Variants in FBLN1 observed in about 807,000 individuals in gnomAD.
FBLN1 encodes fibulin 1, also known as fibulin-1.
FBLN1 carries 34 observed loss-of-function variants against 89.7 expected under a neutral mutation model. The observed-to-expected ratio is 0.38, with a 90% CI of 0.29 to 0.50. FBLN1 has a LOEUF of 0.50. Among genes scored for constraint, FBLN1 ranks in the 20% least tolerant of loss-of-function variants. The probability of loss-of-function intolerance (pLI) is 0.92; values close to 1 mark genes in which losing one functional copy is unlikely to be tolerated. For missense variants in FBLN1, 777 were observed against 988.1 expected (o/e 0.79, Z 2.86); for synonymous variants, 393 against 391.3 (o/e 1.00, Z -0.05).
rs956512139 is a variant in FBLN1, at chr22:45,588,126, CA to C, written c.1972+11019del. ...AGATGGTAGTGAGGGCTGTGCAGAG[CA>C]GGGGAGGGGAGTGGGAGGCGGGGTG... is the stretch of plus-strand genomic sequence containing the variant. On this transcript the variant is annotated intron_variant, in intron 16 of 16. Coordinates refer to ENST00000327858, the MANE Select transcript of FBLN1 (RefSeq NM_006486.3). The surrounding 1 kb of genome is among the most constrained non-coding windows in gnomAD (Gnocchi z 5.1). Among the ~76,000 whole-genome samples the C allele has an allele frequency of 2.2e-4, 33 of 152,250 alleles. No individual in the cohort carries two copies. The highest frequency in any genetic ancestry group is 3.4e-3 in the Middle Eastern group (1 of 294).
In FBLN1 at chr22:45,561,886, A is replaced by G. The variant is rs1257866083; in HGVS notation, c.1697+11271A>G. Among the ~76,000 whole-genome samples the G allele has an allele frequency of 6.6e-6, 1 of 152,156 alleles. No homozygotes were observed. Among genetic ancestry groups the G allele is most frequent in the Non-Finnish European group, 1.5e-5 (1 of 68,036 alleles). ...GGGCAGGAAGCATCCAGCACAGGAG[A>G]AAGATGTAGGCTGGGAGGCTAGGCC... On this transcript the variant is annotated intron_variant, in intron 14 of 16. Coordinates refer to ENST00000327858, the MANE Select transcript of FBLN1 (RefSeq NM_006486.3). This position sits in a 1 kb window ranked among gnomAD's most constrained non-coding sequence, Gnocchi z 4.7.
chr22:45,553,794 G>A (rs1158918230), intron 14 of FBLN1, among the ~76,000 whole-genome samples: 2 of 152,108 alleles, frequency 1.3e-5, no homozygotes, highest in Non-Finnish European at 2.9e-5. Context: ...TGTGATGACG[G>A]CGGGAGCTGC....
chr22:45,587,480 G>A (rs1056979799), intron 16 of FBLN1, among the ~76,000 whole-genome samples: 16 of 152,078 alleles, frequency 1.1e-4, no homozygotes, highest in Admixed American at 3.3e-4. Context: ...TATCTCCCTC[G>A]CCTGCTCCTA....
chr22:45,512,847 T>C (rs541970531), intron 1 of FBLN1, among the ~76,000 whole-genome samples: 2 of 152,314 alleles, frequency 1.3e-5, no homozygotes, highest in South Asian at 2.1e-4. Context: ...AAGCTTGAAC[T>C]CCTGGGCTCA....
chr22:45,570,993 C>T (rs1310369919), intron 14 of FBLN1, among the ~76,000 whole-genome samples: 1 of 150,918 alleles, frequency 6.6e-6, no homozygotes, highest in Admixed American at 6.6e-5. Context: ...TGGTGGTGCA[C>T]GTCTGTAATC....
At chr22:45,552,046 C>T (rs1209736752) in intron 14 of FBLN1, among the ~76,000 whole-genome samples, 1 of 152,264 alleles carries the variant, frequency 6.6e-6, no homozygotes, top group Non-Finnish European at 1.5e-5. Context: ...CTCCACCCCT[C>T]ATGTTGGCTG....
intron 14 of FBLN1, chr22:45,564,755 C>G: frequency 8.9e-7 from 1 of 1,126,646 alleles, no homozygotes; most frequent in South Asian, 1.3e-5. Context: ...GTTCCCAGCT[C>G]CTTGCAAGAC....
chr22:45,593,950 A>C (rs1306769565), intron 16 of FBLN1, among the ~76,000 whole-genome samples: 3 of 152,232 alleles, frequency 2.0e-5, no homozygotes, highest in African/African-American at 7.2e-5. Flanking sequence ...GCCGACTGTG[A>C]GCGTCCCCTG....
intron 11 of FBLN1, 120 bp downstream of exon 11, chr22:45,543,646 G>A: frequency 1.5e-6 from 2 of 1,315,740 alleles, no homozygotes; most frequent in South Asian, 1.3e-5. Flanking sequence ...TGACATGTTA[G>A]CAGGGGAAGT....
chr22:45,583,591 G>C lies in FBLN1; in HGVS notation c.1972+6483G>C, dbSNP rs1160746750. On this transcript the variant is annotated intron_variant, in intron 16 of 16. Coordinates refer to ENST00000327858, the MANE Select transcript of FBLN1 (RefSeq NM_006486.3). This position sits in a 1 kb window ranked among gnomAD's most constrained non-coding sequence, Gnocchi z 4.5. ...CAGTTCTTCCTAATTTCGCCTTGCC[G>C]TCTCTCTTGAGAGTGGCTATACCTT... is the stretch of plus-strand genomic sequence containing the variant. Among the ~76,000 whole-genome samples, 1 of 152,186 alleles carries C rather than the reference G, an allele frequency of 6.6e-6. No homozygotes were observed. The highest frequency in any genetic ancestry group is 1.5e-5 in the Non-Finnish European group (1 of 68,038).
rs1451776705 is a variant in FBLN1, at chr22:45,548,703, C to T, written c.1532C>T (p.Ser511Leu). 5 of 1,613,746 alleles carry T rather than the reference C, an allele frequency of 3.1e-6. No individual in the cohort carries two copies. Among genetic ancestry groups the T allele is most frequent in the Non-Finnish European group, 3.4e-6 (4 of 1,180,012 alleles). The change falls in exon 13 of 17, where the codon TCG (serine) becomes TTG (leucine). Residue 511 changes from serine (S) to leucine (L), a missense_variant. By Grantham distance (145) the Ser-to-Leu change is moderately radical. Coordinates refer to ENST00000327858, the MANE Select transcript of FBLN1 (RefSeq NM_006486.3). ...IPGSFQCSCP[S>L]SGYRLAPNGR... ...GGAAGCTTCCAGTGCAGCTGCCCCT[C>T]GTCTGGCTACAGGCTGGCCCCCAAT...
In FBLN1 at chr22:45,556,494, G is replaced by T. The variant is rs1424770649; in HGVS notation, c.1697+5879G>T. On this transcript the variant is annotated intron_variant, in intron 14 of 16. Transcript: ENST00000327858. This position sits in a 1 kb window ranked among gnomAD's most constrained non-coding sequence, Gnocchi z 4.6. ...GTGACCCAAACCTTCATTCCTGAAG[G>T]GTCTGGGTCATTTGTAGTCCTGCCT... 6.6e-6 allele frequency among the ~76,000 whole-genome samples: 1 copy of T among 151,914 alleles called. No homozygotes were observed. The highest frequency in any genetic ancestry group is 6.6e-5 in the Admixed American group (1 of 15,254).
In FBLN1 at chr22:45,530,975, G is replaced by A. The variant is rs941880647; in HGVS notation, c.485-290G>A. Among the ~76,000 whole-genome samples the A allele has an allele frequency of 6.6e-6, 1 of 152,098 alleles. No homozygotes were observed. The highest frequency in any genetic ancestry group is 2.4e-5 in the African/African-American group (1 of 41,408). ...GACAGCATTTCACCGTGTTGGCCAG[G>A]ATGGTCTTGAACTCCTGACCTCAGG... On this transcript the variant is annotated intron_variant, in intron 4 of 16. Coordinates refer to ENST00000327858, the MANE Select transcript of FBLN1 (RefSeq NM_006486.3). The surrounding 1 kb of genome is among the most constrained non-coding windows in gnomAD (Gnocchi z 5.4).
In FBLN1 at chr22:45,578,269, G is replaced by C. The variant is rs375198841; in HGVS notation, c.1972+1161G>C. The C allele has an allele frequency of 2.6e-5, 4 of 152,346 alleles. No homozygotes were observed. Among genetic ancestry groups the C allele is most frequent in the East Asian group, 3.9e-4 (2 of 5,182 alleles). The allele number at this position is 152,346 out of a possible 1,614,324, so 9.4% of individuals were successfully genotyped here. ...AACTGGCAGCTGGAGAAAGGGAATC[G>C]TTATTCCCGTCTTGCCAAAGAGCCA... On this transcript the variant is annotated intron_variant, in intron 16 of 16. Transcript: ENST00000327858. This position sits in a 1 kb window ranked among gnomAD's most constrained non-coding sequence, Gnocchi z 4.6.
chr22:45,520,185 A>G (rs942709294), intron 2 of FBLN1, among the ~76,000 whole-genome samples: 15 of 152,184 alleles, frequency 9.9e-5, no homozygotes, highest in African/African-American at 3.6e-4. Flanking sequence ...ATCAAAAGAA[A>G]AAAATCAGAG....
chr22:45,550,764 C>G lies in FBLN1; in HGVS notation c.1697+149C>G, dbSNP rs528300568. On this transcript the variant is annotated intron_variant, in intron 14 of 16. Coordinates refer to ENST00000327858, the MANE Select transcript of FBLN1 (RefSeq NM_006486.3). This position sits in a 1 kb window ranked among gnomAD's most constrained non-coding sequence, Gnocchi z 8.4. ...CAAAGATCACCTGATCCCTGGCCCTCAAGCCCCTAAATGCTAGTGACACTG... is the reference window on the plus strand; with the variant it reads ...CAAAGATCACCTGATCCCTGGCCCTGAAGCCCCTAAATGCTAGTGACACTG... 9 of 1,153,668 alleles carry G rather than the reference C, an allele frequency of 7.8e-6. No homozygotes were observed. The highest frequency in any genetic ancestry group is 5.4e-5 in the Admixed American group (3 of 55,906). The allele number at this position is 1,153,668 out of a possible 1,614,324, so 71.5% of individuals were successfully genotyped here.
rs140106071 is a variant in FBLN1, at chr22:45,523,204, G to A, written c.186-2339G>A. On this transcript the variant is annotated intron_variant, in intron 2 of 16. Transcript: ENST00000327858. ...GCCAGCGCAAGAGCCCAGAGGAGAG[G>A]GTGTGTACAGCAAGGCGGCCAGGGT... 2.2e-3 allele frequency: 1,729 copies of A among 775,474 alleles called. 16 individuals carry two copies. The African/African-American group carries it at 0.022, about 10-fold the overall frequency. 48.0% of individuals were successfully genotyped at this position (775,474 alleles called of 1,614,324 possible). A position where few individuals can be genotyped will look rare whatever the true frequency, so the allele number is the denominator to read the frequency against.
chr22:45,561,134 A>T lies in FBLN1; in HGVS notation c.1697+10519A>T, dbSNP rs1602210342. Among the ~76,000 whole-genome samples the T allele has an allele frequency of 6.6e-6, 1 of 152,130 alleles. No homozygotes were observed. Among genetic ancestry groups the T allele is most frequent in the Non-Finnish European group, 1.5e-5 (1 of 68,024 alleles). Reference sequence around the variant, plus strand: ...AGTTGCAGGGTCCCATTCTTTTTCAATCAATGCCCTCACTTTAACAGCAGA... The same window carrying T: ...AGTTGCAGGGTCCCATTCTTTTTCATTCAATGCCCTCACTTTAACAGCAGA... On this transcript the variant is annotated intron_variant, in intron 14 of 16. Coordinates refer to ENST00000327858, the MANE Select transcript of FBLN1 (RefSeq NM_006486.3). This position sits in a 1 kb window ranked among gnomAD's most constrained non-coding sequence, Gnocchi z 4.7.
At chr22:45,525,473 A>AC (rs1381119268) in intron 2 of FBLN1, 70 bp from the exon 3 acceptor site, 2 of 1,430,434 alleles carry the variant, frequency 1.4e-6, no homozygotes, top group African/African-American at 2.8e-5. Flanking sequence ...GAGCACCCCC[A>AC]CCCCCGAGGA....
Sources: gnomAD v4.1 joint callset for allele counts (sites outside exome capture counted in the v4.1 genomes callset) on GRCh38, gnomAD v4.1.1 for gene constraint, Gnocchi (gnomAD v3.1) non-coding constraint, MANE v1.5 for transcripts, NCBI Gene and HGNC (gene_info 2026-07-23, HGNC 2026-07-21) for gene names.